CCDC186: variants seen among roughly 807,000 people sequenced by gnomAD.
CCDC186 encodes coiled-coil domain containing 186, also known as coiled-coil domain-containing protein 186.
CCDC186 carries 49 observed loss-of-function variants against 113.7 expected under a neutral mutation model. The ratio of observed to expected loss-of-function variants is 0.43; its 90% CI spans 0.34 to 0.55. CCDC186 has a LOEUF of 0.55. Among genes scored for constraint, CCDC186 ranks in the 20% least tolerant of loss-of-function variants. CCDC186 has a pLI of 0.02. For synonymous variants in CCDC186, 355 were observed against 345.8 expected (o/e 1.03, Z -0.30); for missense variants, 890 against 1,011.1 (o/e 0.88, Z 1.62).
chr10:114,134,966 C>A lies in CCDC186; in HGVS notation c.1602G>T (p.Gln534His), dbSNP rs1020660400. 3.7e-6 allele frequency: 6 copies of A among 1,612,424 alleles called. No individual in the cohort carries two copies. The highest frequency in any genetic ancestry group is 5.1e-6 in the Non-Finnish European group (6 of 1,179,558). Residue 534 changes from glutamine (Q) to histidine (H), a missense_variant, in exon 10 of 16, where the codon CAG becomes CAT. Coordinates refer to ENST00000369287, the MANE Select transcript of CCDC186 (RefSeq NM_018017.4). Reference sequence around the variant, plus strand: ...CAGTTTTCACCTTGTCCAATAAATTCTGAATTTCAGCTTTTTGGCGATTAA... The same window carrying A: ...CAGTTTTCACCTTGTCCAATAAATTATGAATTTCAGCTTTTTGGCGATTAA... ...EIINRQKAEIQNLLDKVKTAD... is the reference protein window; with the variant it reads ...EIINRQKAEIHNLLDKVKTAD...
Position 114,122,910 on chromosome 10 carries a change from C to A in CCDC186, c.*2233G>T, listed in dbSNP as rs2030774180. On this transcript the variant is annotated 3_prime_UTR_variant, in exon 16 of 16. Transcript: ENST00000369287. Reference sequence around the variant, plus strand: ...TAATACTTTTCTTCTAAAATTTTCTCATTAAACTTCTCCAAGTAGATGGTA... The same window carrying A: ...TAATACTTTTCTTCTAAAATTTTCTAATTAAACTTCTCCAAGTAGATGGTA... 1 of 152,114 alleles carries A rather than the reference C, an allele frequency of 6.6e-6. No individual in the cohort carries two copies. The highest frequency in any genetic ancestry group is 2.4e-5 in the African/African-American group (1 of 41,418). The allele number at this position is 152,114 out of a possible 1,614,324, so 9.4% of individuals were successfully genotyped here. A position where few individuals can be genotyped will look rare whatever the true frequency, so the allele number is the denominator to read the frequency against.
chr10:114,166,565 C>T (rs2032341044), intron 1 of CCDC186, among the ~76,000 whole-genome samples: 1 of 152,210 alleles, frequency 6.6e-6, no homozygotes, highest in African/African-American at 2.4e-5. Flanking sequence ...GATGGAACCT[C>T]CCTCTGAACT....
rs529184013 is a variant in CCDC186, at chr10:114,124,504, A to G, written c.*639T>C. The G allele has an allele frequency of 4.6e-5, 7 of 152,330 alleles. No individual in the cohort carries two copies. The highest frequency in any genetic ancestry group is 1.7e-4 in the African/African-American group (7 of 41,590). 9.4% of individuals were successfully genotyped at this position (152,330 alleles called of 1,614,324 possible). ...AAAAATTCAACCATTAACTCAAACAATCAGAATCTGAAAAAATGTACCTAA... is the reference window on the plus strand; with the variant it reads ...AAAAATTCAACCATTAACTCAAACAGTCAGAATCTGAAAAAATGTACCTAA... On this transcript the variant is annotated 3_prime_UTR_variant, in exon 16 of 16. Coordinates refer to ENST00000369287, the MANE Select transcript of CCDC186 (RefSeq NM_018017.4).
intron 2 of CCDC186, among the ~76,000 whole-genome samples, chr10:114,160,940 A>T (rs1054649107): frequency 2.0e-5 from 3 of 152,212 alleles, no homozygotes; most frequent in African/African-American, 7.2e-5. Context: ...AAACAGTTCC[A>T]TCAGGTAAGT....
intron 6 of CCDC186, among the ~76,000 whole-genome samples, chr10:114,137,753 T>C (rs192443964): frequency 6.6e-6 from 1 of 151,864 alleles, no homozygotes; most frequent in Admixed American, 6.6e-5. Context: ...AATAAAAAAA[T>C]TGGCCAGGCA....
rs535338907 is a variant in CCDC186, at chr10:114,130,485, C to G, written c.2102-514G>C. On this transcript the variant is annotated intron_variant, in intron 12 of 15. Transcript: ENST00000369287. Reference sequence around the variant, plus strand: ...GTATCCCAAGCATATAGCACAGACACCCAATGACTGTATGACTTTTTAAAA... The same window carrying G: ...GTATCCCAAGCATATAGCACAGACAGCCAATGACTGTATGACTTTTTAAAA... 2 of 152,550 alleles carry G rather than the reference C, an allele frequency of 1.3e-5. 1 individual carries two copies. Among genetic ancestry groups the G allele is most frequent in the East Asian group, 3.9e-4 (2 of 5,192 alleles). The allele number at this position is 152,550 out of a possible 1,614,324, so 9.4% of individuals were successfully genotyped here. A position where few individuals can be genotyped will look rare whatever the true frequency, so the allele number is the denominator to read the frequency against.
chr10:114,151,339 A>G, intron 3 of CCDC186, 119 bp from the exon 4 acceptor site: 1 of 799,264 alleles, frequency 1.3e-6, no homozygotes, highest in Non-Finnish European at 1.9e-6. Flanking sequence ...TACTTCAGCT[A>G]TTGAAATAAA....
chr10:114,171,352 C>T (rs1030747233), intron 1 of CCDC186, among the ~76,000 whole-genome samples: 8 of 151,866 alleles, frequency 5.3e-5, no homozygotes, highest in Admixed American at 1.3e-4. Flanking sequence ...GCCTGGGAAA[C>T]ATAGCAAGAC....
chr10:114,146,599 A>G (rs1269156559), intron 4 of CCDC186, among the ~76,000 whole-genome samples: 1 of 152,258 alleles, frequency 6.6e-6, no homozygotes, highest in Non-Finnish European at 1.5e-5. Flanking sequence ...AAAATTTTCT[A>G]TTAGTATGAA....
intron 5 of CCDC186, among the ~76,000 whole-genome samples, chr10:114,145,024 T>C (rs1180432121): frequency 6.6e-6 from 1 of 152,042 alleles, no homozygotes; most frequent in African/African-American, 2.4e-5. Flanking sequence ...AATATGACCA[T>C]TGAGAGGCTG....
chr10:114,133,853 T>C (rs2031170718), intron 10 of CCDC186, among the ~76,000 whole-genome samples: 1 of 152,040 alleles, frequency 6.6e-6, no homozygotes, highest in African/African-American at 2.4e-5. Context: ...TTATATAAAG[T>C]TTGGCTGCAA....
intron 2 of CCDC186, 197 bp downstream of exon 2, chr10:114,162,440 T>G: frequency 2.1e-6 from 1 of 472,760 alleles, no homozygotes; most frequent in East Asian, 3.4e-5. Flanking sequence ...CTATTTAACA[T>G]ATTGAACTCA....
chr10:114,144,502 G>T lies in CCDC186; in HGVS notation c.1216C>A (p.His406Asn). The T allele has an allele frequency of 1.2e-6, 2 of 1,612,790 alleles. No homozygotes were observed. Among genetic ancestry groups the T allele is most frequent in the Non-Finnish European group, 8.5e-7 (1 of 1,179,316 alleles). The change falls in exon 6 of 16, where the codon CAC (histidine) becomes AAC (asparagine). Residue 406 changes from histidine (H) to asparagine (N), a missense_variant. Transcript: ENST00000369287. ...QNKLKAEMDSHKETKDKLKET... is the reference protein window; with the variant it reads ...QNKLKAEMDSNKETKDKLKET... ...CATTGTATTACAGTACGTACCTTGT[G>T]TGAATCCATTTCAGCTTTTAATTTG... is the stretch of plus-strand genomic sequence containing the variant.
chr10:114,132,193 C>G lies in CCDC186; in HGVS notation c.1656-9G>C, dbSNP rs1376163149. On this transcript the variant is annotated splice_polypyrimidine_tract_variant and intron_variant, in intron 10 of 15. Transcript: ENST00000369287. ...CAATTTCTTGCTTACCTCTAAAACA[C>G]AAAATTTATATTTAAGAAAAAATAA... 2 of 1,520,536 alleles carry G rather than the reference C, an allele frequency of 1.3e-6. No individual in the cohort carries two copies. Among genetic ancestry groups the G allele is most frequent in the African/African-American group, 2.8e-5 (2 of 71,504 alleles). The allele number at this position is 1,520,536 out of a possible 1,614,324, so 94.2% of individuals were successfully genotyped here. A position where few individuals can be genotyped will look rare whatever the true frequency, so the allele number is the denominator to read the frequency against.
chr10:114,165,906 A>G, intron 1 of CCDC186: 1 of 984,226 alleles, frequency 1.0e-6, no homozygotes, highest in South Asian at 4.7e-5. Context: ...ATACCTCTTC[A>G]TGCCAAGCAG....
At chr10:114,136,045 T>C in intron 8 of CCDC186, 68 bp from the exon 9 acceptor site, 1 of 1,524,328 alleles carries the variant, frequency 6.6e-7, no homozygotes, top group Admixed American at 1.7e-5. Flanking sequence ...TTATTGCCTG[T>C]TCCTTCCAAA....
intron 6 of CCDC186, among the ~76,000 whole-genome samples, chr10:114,139,781 C>T (rs35060624): frequency 0.062 from 9,481 of 151,960 alleles, 353 homozygotes; most frequent in Middle Eastern, 0.13. Flanking sequence ...ACTCAATGGA[C>T]AGGGAGGGAG....
At chr10:114,159,641 A>G (rs2032107836) in intron 2 of CCDC186, among the ~76,000 whole-genome samples, 1 of 80,964 alleles carries the variant, frequency 1.2e-5, no homozygotes, top group Non-Finnish European at 2.4e-5. Flanking sequence ...ACTCCGTCTC[A>G]AAAAAAAAAA....
chr10:114,136,124 T>C, intron 8 of CCDC186, 24 bp downstream of exon 8: 1 of 1,581,932 alleles, frequency 6.3e-7, no homozygotes, highest in Non-Finnish European at 8.7e-7. Context: ...CAACTTAGGA[T>C]ATATAAAGAG....
Sources: allele counts gnomAD v4.1 joint callset (sites outside exome capture counted in the v4.1 genomes callset), GRCh38; gene constraint gnomAD v4.1.1; transcripts MANE v1.5; gene names NCBI Gene and HGNC (gene_info 2026-07-23, HGNC 2026-07-21).